The following ADAMTS3 variants were observed in gnomAD, a reference collection of about 807,000 sequenced individuals.
ADAMTS3 encodes the protein ADAM metallopeptidase with thrombospondin type 1 motif 3.
Under a neutral mutation model 129.0 loss-of-function variants are expected in ADAMTS3, and 73 were observed. The ratio of observed to expected loss-of-function variants is 0.57; its 90% CI spans 0.47 to 0.69. The LOEUF (loss-of-function observed/expected upper bound fraction) is 0.69, where lower values mean the gene tolerates loss of function less well. ADAMTS3 is among the 30% of genes least tolerant of loss of function. The probability of loss-of-function intolerance (pLI) is 0.00; values close to 1 mark genes in which losing one functional copy is unlikely to be tolerated. For synonymous variants in ADAMTS3, 477 were observed against 510.8 expected (o/e 0.93, Z 0.89); for missense variants, 1,457 against 1,514.5 (o/e 0.96, Z 0.63).
At chr4:72,524,007 C>T (rs1274339236) in intron 3 of ADAMTS3, among the ~76,000 whole-genome samples, 3 of 152,016 alleles carry the variant, frequency 2.0e-5, no homozygotes, top group Admixed American at 1.3e-4. Context: ...TAATGTATTT[C>T]CCTTTTAGGT....
intron 3 of ADAMTS3, among the ~76,000 whole-genome samples, chr4:72,429,235 G>A (rs1722639573): frequency 6.6e-6 from 1 of 151,972 alleles, no homozygotes; most frequent in South Asian, 2.1e-4. Flanking sequence ...ATGAATAAAT[G>A]GAACCTATGA....
At chr4:72,561,540 TAA>T (rs1400973722) in intron 2 of ADAMTS3, among the ~76,000 whole-genome samples, 1 of 151,918 alleles carries the variant, frequency 6.6e-6, no homozygotes, top group Non-Finnish European at 1.5e-5. Flanking sequence ...ACTTTACATG[TAA>T]AAGAGAGAGG....
chr4:72,296,942 G>A (rs1002978027), intron 18 of ADAMTS3, among the ~76,000 whole-genome samples: 1 of 151,904 alleles, frequency 6.6e-6, no homozygotes, highest in African/African-American at 2.4e-5. Flanking sequence ...AAAACTATTT[G>A]TTTTATAAAA....
At chr4:72,345,737 G>A (rs929768681) in intron 4 of ADAMTS3, among the ~76,000 whole-genome samples, 2 of 151,956 alleles carry the variant, frequency 1.3e-5, no homozygotes, top group Admixed American at 1.3e-4. Flanking sequence ...TGTTTTTACT[G>A]ACTACTTTAT....
Position 72,451,700 on chromosome 4 carries a change from A to AAATTATATAAC in ADAMTS3, c.505-36730_505-36729insGTTATATAATT, listed in dbSNP as rs202100397. On this transcript the variant is annotated intron_variant, in intron 3 of 21. Coordinates refer to ENST00000286657, the MANE Select transcript of ADAMTS3 (RefSeq NM_014243.3). Reference sequence around the variant, plus strand: ...ACCAAAACCCAATATATCTCTGACAAGATTTTTCATAAATTATATACGTTA... The same window carrying AAATTATATAAC: ...ACCAAAACCCAATATATCTCTGACAAAATTATATAACGATTTTTCATAAATTATATACGTTA... Among the ~76,000 whole-genome samples, 1,083 of 151,954 alleles carry AAATTATATAAC rather than the reference A, an allele frequency of 7.1e-3. 15 individuals are homozygous for AAATTATATAAC. The highest frequency in any genetic ancestry group is 0.025 in the African/African-American group (1,028 of 41,524).
intron 3 of ADAMTS3, among the ~76,000 whole-genome samples, chr4:72,487,456 C>CA (rs1432978622): frequency 6.6e-6 from 1 of 152,026 alleles, no homozygotes; most frequent in Non-Finnish European, 1.5e-5. Flanking sequence ...AACCAATCAG[C>CA]AAAACAAAAT....
chr4:72,499,528 C>T (rs1306160100), intron 3 of ADAMTS3, among the ~76,000 whole-genome samples: 1 of 152,116 alleles, frequency 6.6e-6, no homozygotes, highest in African/African-American at 2.4e-5. Flanking sequence ...AAATCAACTT[C>T]CTATATTACA....
At chr4:72,519,704 C>T (rs1720605883) in intron 3 of ADAMTS3, among the ~76,000 whole-genome samples, 1 of 152,162 alleles carries the variant, frequency 6.6e-6, no homozygotes, top group South Asian at 2.1e-4. Context: ...CCTTTAAGCA[C>T]TTCTCTGTAT....
rs574899978 is a variant in ADAMTS3 at position 72,483,256 on chromosome 4, C to A, written c.504+65222G>T. Among the ~76,000 whole-genome samples, 5 of 152,106 alleles carry A rather than the reference C, an allele frequency of 3.3e-5. No individual in the cohort carries two copies. In the South Asian group the frequency reaches 1.0e-3, roughly 32 times the overall value. Reference sequence around the variant, plus strand: ...TTATGTAGAAAATTATGAGAGCTACCAAAAACCTACTAAAACTACAAAGCC... The same window carrying A: ...TTATGTAGAAAATTATGAGAGCTACAAAAAACCTACTAAAACTACAAAGCC... On this transcript the variant is annotated intron_variant, in intron 3 of 21. Coordinates refer to ENST00000286657, the MANE Select transcript of ADAMTS3 (RefSeq NM_014243.3).
At chr4:72,295,918 C>T in intron 18 of ADAMTS3, 132 bp from the exon 19 acceptor site, 1 of 1,084,692 alleles carries the variant, frequency 9.2e-7, no homozygotes, top group Non-Finnish European at 1.3e-6. Flanking sequence ...CAAACCGGCA[C>T]TTCAATAGGT....
intron 16 of ADAMTS3, 28 bp from the exon 17 acceptor site, chr4:72,304,108 A>G: frequency 6.2e-7 from 1 of 1,603,830 alleles, no homozygotes; most frequent in Non-Finnish European, 8.5e-7. Context: ...AGTAACCAGC[A>G]TACATTTTAT....
intron 3 of ADAMTS3, among the ~76,000 whole-genome samples, chr4:72,530,419 A>G (rs1454791738): frequency 1.2e-5 from 1 of 85,898 alleles, no homozygotes; most frequent in Non-Finnish European, 2.0e-5. Context: ...TATATAATAT[A>G]TATTAAATTA....
intron 8 of ADAMTS3, 118 bp downstream of exon 8, chr4:72,319,740 T>C (rs1189862273): frequency 1.1e-5 from 10 of 914,298 alleles, no homozygotes; most frequent in Non-Finnish European, 1.5e-5. Context: ...CTCTTCACAC[T>C]TGGCAAAAGA....
chr4:72,318,738 G>A, intron 9 of ADAMTS3, 34 bp from the exon 10 acceptor site: 1 of 1,593,154 alleles, frequency 6.3e-7, no homozygotes, highest in Non-Finnish European at 8.6e-7. Context: ...GTAGTTAAAT[G>A]TTCACTTAAA....
At chr4:72,346,111 T>A (rs1464561884) in intron 4 of ADAMTS3, among the ~76,000 whole-genome samples, 1 of 152,160 alleles carries the variant, frequency 6.6e-6, no homozygotes, top group Non-Finnish European at 1.5e-5. Context: ...CCTTTGATTA[T>A]TTCAAAATGG....
chr4:72,347,580 T>C (rs1029268140), intron 4 of ADAMTS3, among the ~76,000 whole-genome samples: 1 of 152,108 alleles, frequency 6.6e-6, no homozygotes, highest in Non-Finnish European at 1.5e-5. Flanking sequence ...TTTATTCTTT[T>C]TCAGCTAAAT....
chr4:72,339,780 G>T (rs777915603), intron 4 of ADAMTS3, 87 bp from the exon 5 acceptor site: 2 of 1,047,908 alleles, frequency 1.9e-6, no homozygotes, highest in Non-Finnish European at 2.9e-6. Context: ...CTTCTCAGGG[G>T]CCTATCAGTA....
chr4:72,330,830 C>T (rs1247368655), intron 5 of ADAMTS3: 1 of 152,136 alleles, frequency 6.6e-6, no homozygotes, highest in Non-Finnish European at 1.5e-5. Context: ...GCTGTGAGGT[C>T]CTACAAACTC....
chr4:72,383,837 AGAG>A (rs999494522), intron 4 of ADAMTS3, among the ~76,000 whole-genome samples: 2 of 152,214 alleles, frequency 1.3e-5, no homozygotes, highest in African/African-American at 2.4e-5. Flanking sequence ...TCAAGAGAAA[AGAG>A]AATTAACTGA....
Sources: gnomAD v4.1 joint callset for allele counts (sites outside exome capture counted in the v4.1 genomes callset) on GRCh38, gnomAD v4.1.1 for gene constraint, MANE v1.5 for transcripts, NCBI Gene and HGNC (gene_info 2026-07-23, HGNC 2026-07-21) for gene names.